MBTPS1: variants seen among roughly 807,000 people sequenced by gnomAD.
MBTPS1 encodes membrane bound transcription factor peptidase, site 1.
MBTPS1 carries 94 observed loss-of-function variants against 127.8 expected under a neutral mutation model. That is an observed-to-expected ratio of 0.74 (90% CI 0.62 to 0.87). The LOEUF (loss-of-function observed/expected upper bound fraction) is 0.87, where lower values mean the gene tolerates loss of function less well. Among genes scored for constraint, MBTPS1 ranks in the 40% least tolerant of loss-of-function variants. The pLI, the probability that MBTPS1 is intolerant of heterozygous loss-of-function variation, is 0.00. For synonymous variants in MBTPS1, 632 were observed against 509.4 expected (o/e 1.24, Z -3.24); for missense variants, 1,636 against 1,353.2 (o/e 1.21, Z -3.28).
Position 84,058,908 on chromosome 16 carries a change from C to G in MBTPS1, c.2831+394G>C, listed in dbSNP as rs534323240. Reference sequence around the variant, plus strand: ...CTTCTTGGACAGGCTGCAACCGCGGCCCCCGGGGATGACAGAAGAAGGGAA... The same window carrying G: ...CTTCTTGGACAGGCTGCAACCGCGGGCCCCGGGGATGACAGAAGAAGGGAA... On this transcript the variant is annotated intron_variant, in intron 21 of 22. Transcript: ENST00000343411. Among the ~76,000 whole-genome samples, 5 of 152,170 alleles carry G rather than the reference C, an allele frequency of 3.3e-5. No homozygotes were observed. In the South Asian group the frequency reaches 1.0e-3, roughly 32 times the overall value.
chr16:84,098,765 G>A (rs562892626), intron 3 of MBTPS1, among the ~76,000 whole-genome samples: 1 of 152,104 alleles, frequency 6.6e-6, no homozygotes, highest in Non-Finnish European at 1.5e-5. Context: ...GGCGAAAATC[G>A]CTTCCAACAG....
Position 84,070,721 on chromosome 16 carries a change from G to A in MBTPS1, c.1649C>T (p.Ser550Phe), listed in dbSNP as rs143702586. Residue 550 changes from serine (S) to phenylalanine (F), a missense_variant, in exon 13 of 23, where the codon TCC (serine) becomes TTC (phenylalanine). By Grantham distance (155) the Ser-to-Phe change is radical. Transcript: ENST00000343411. Reference sequence around the variant, plus strand: ...CCAAGGCCATAAGACCGAGGAGTAGGAGAAGGCAACTTCAATGTTGTCTCC... The same window carrying A: ...CCAAGGCCATAAGACCGAGGAGTAGAAGAAGGCAACTTCAATGTTGTCTCC... ...QNGDNIEVAF[S>F]YSSVLWPWSG... The A allele has an allele frequency of 6.2e-6, 10 of 1,614,008 alleles. No individual in the cohort carries two copies. The African/African-American group carries it at 1.3e-4, about 22-fold the overall frequency.
At chr16:84,080,768 T>G (rs1356696429) in intron 11 of MBTPS1, among the ~76,000 whole-genome samples, 1 of 152,212 alleles carries the variant, frequency 6.6e-6, no homozygotes, top group Non-Finnish European at 1.5e-5. Flanking sequence ...CTCCTAACTT[T>G]TCGGTGTCAG....
intron 3 of MBTPS1, among the ~76,000 whole-genome samples, chr16:84,096,774 T>C (rs11863841): frequency 6.6e-6 from 1 of 152,162 alleles, no homozygotes; most frequent in Non-Finnish European, 1.5e-5. Flanking sequence ...AAACGGTTCT[T>C]AATTGAAATT....
At chr16:84,064,945 T>G (rs2085659928) in intron 18 of MBTPS1, among the ~76,000 whole-genome samples, 1 of 152,160 alleles carries the variant, frequency 6.6e-6, no homozygotes, top group Non-Finnish European at 1.5e-5. Flanking sequence ...GTACAGAAAA[T>G]GGCAACTTTA....
At chr16:84,087,263 C>A (rs2086041996) in intron 9 of MBTPS1, 95 bp downstream of exon 9, 2 of 938,632 alleles carry the variant, frequency 2.1e-6, no homozygotes, top group Non-Finnish European at 3.4e-6. Flanking sequence ...TGTCTGTGCA[C>A]TTACAAATAC....
At chr16:84,063,661 TTGTG>T (rs2085644901) in intron 18 of MBTPS1, among the ~76,000 whole-genome samples, 2 of 152,244 alleles carry the variant, frequency 1.3e-5, no homozygotes, top group Non-Finnish European at 2.9e-5. Context: ...AAAATTCACT[TTGTG>T]TGTATTTCCG....
At chr16:84,067,182 G>A (rs1292105503) in intron 16 of MBTPS1, among the ~76,000 whole-genome samples, 1 of 152,122 alleles carries the variant, frequency 6.6e-6, no homozygotes, top group Admixed American at 6.5e-5. Flanking sequence ...GTAACAGAGA[G>A]TGGAAAAGAA....
At chr16:84,114,857 C>G (rs1341113016) in intron 1 of MBTPS1, among the ~76,000 whole-genome samples, 1 of 145,896 alleles carries the variant, frequency 6.9e-6, no homozygotes, top group East Asian at 2.0e-4. Flanking sequence ...AAAGCGTTTC[C>G]TCAAGCAGAA....
chr16:84,081,811 C>A lies in MBTPS1; in HGVS notation c.1384G>T (p.Gly462Cys). 6.5e-7 allele frequency: 1 copy of A among 1,532,060 alleles called. No individual in the cohort carries two copies. Among genetic ancestry groups the A allele is most frequent in the Non-Finnish European group, 8.8e-7 (1 of 1,138,664 alleles). 94.9% of individuals were successfully genotyped at this position (1,532,060 alleles called of 1,614,324 possible). Reference protein sequence around the residue: ...RLPGVNMFEQGHGKLDLLRAY... With the variant: ...RLPGVNMFEQCHGKLDLLRAY... ...CTGAGCAGATCGAGCTTGCCGTGGC[C>A]TTGCTCAAACATGTTGACCCCGGGG... The change falls in exon 11 of 23, where the codon GGC becomes TGC. Residue 462 changes from glycine to cysteine, a missense_variant. By Grantham distance (159) the Gly-to-Cys change is radical. Transcript: ENST00000343411.
At chr16:84,069,113 T>G (rs28371946) in intron 14 of MBTPS1, among the ~76,000 whole-genome samples, 1 of 152,078 alleles carries the variant, frequency 6.6e-6, no homozygotes, top group South Asian at 2.1e-4. Context: ...AGACATCTTA[T>G]TTTAAAAGGC....
At chr16:84,085,425 A>G (rs1011547559) in intron 9 of MBTPS1, among the ~76,000 whole-genome samples, 1 of 152,002 alleles carries the variant, frequency 6.6e-6, no homozygotes, top group African/African-American at 2.4e-5. Context: ...AAAATTAGCC[A>G]GATGTAGTGG....
Position 84,068,415 on chromosome 16 carries a change from G to A in MBTPS1, c.1995C>T (p.Tyr665=), listed in dbSNP as rs1273822522. ...AGTAGCCCATGCTTCTCAGATGCTG[G>A]TACATATCCCTGAAATTGGTGTGGA... ...DHIHTNFRDM[Y]QHLRSMGYFV... The change falls in exon 15 of 23, where the codon TAC becomes TAT. Residue 665 remains tyrosine, a synonymous_variant. Transcript: ENST00000343411. The A allele has an allele frequency of 6.2e-7, 1 of 1,614,162 alleles. No homozygotes were observed.
intron 14 of MBTPS1, 39 bp from the exon 15 acceptor site, chr16:84,068,493 T>C: frequency 7.1e-7 from 1 of 1,403,128 alleles, no homozygotes; most frequent in South Asian, 1.2e-5. Context: ...ATGATCGATC[T>C]TTACTGGCAA....
At chr16:84,089,270 A>G (rs2086071877) in intron 8 of MBTPS1, among the ~76,000 whole-genome samples, 1 of 152,242 alleles carries the variant, frequency 6.6e-6, no homozygotes, top group South Asian at 2.1e-4. Flanking sequence ...CCAGGCCCAC[A>G]CCTGTTTTTG....
Position 84,060,684 on chromosome 16 carries a change from T to C in MBTPS1, c.2702A>G (p.Glu901Gly), listed in dbSNP as rs1401290145. ...AGGCATCCTGCCCATCCACTCACCT[T>C]CCATCCTCTCTGGAGTGACTGAGCC... ...GAGSVTPERM[E>G]GNHLHRYSKV... The change falls in exon 20 of 23, where the codon GAA (glutamate) becomes GGA (glycine). Residue 901 changes from glutamate to glycine, a missense_variant and splice_region_variant. Coordinates refer to ENST00000343411, the MANE Select transcript of MBTPS1 (RefSeq NM_003791.4). The C allele has an allele frequency of 1.2e-6, 2 of 1,613,360 alleles. No homozygotes were observed. Among genetic ancestry groups the C allele is most frequent in the Admixed American group, 1.7e-5 (1 of 59,966 alleles).
rs1272794355 is a variant in MBTPS1 at position 84,074,634 on chromosome 16, A to C, written c.1556T>G (p.Leu519Arg). ...GMPTVVNVTI[L>R]NGMGVTGRIV... is the part of the protein sequence containing the mutation. ...TCTTCCTGTGACTCCCATGCCGTTG[A>C]GGATGGTGACATTAACAACTGTCGG... Residue 519 changes from leucine (L) to arginine (R), a missense_variant, in exon 12 of 23, where the codon CTC becomes CGC. Leu to Arg is a moderately radical substitution (Grantham distance 102, BLOSUM62 -2). Transcript: ENST00000343411. The C allele has an allele frequency of 3.1e-6, 5 of 1,614,048 alleles. No individual in the cohort carries two copies. The highest frequency in any genetic ancestry group is 4.2e-6 in the Non-Finnish European group (5 of 1,180,002).
chr16:84,097,598 G>A (rs1003421692), intron 3 of MBTPS1, among the ~76,000 whole-genome samples: 11 of 152,168 alleles, frequency 7.2e-5, no homozygotes, highest in African/African-American at 2.7e-4. Context: ...GTCTCCTAAA[G>A]CATTCTAGAG....
intron 11 of MBTPS1, among the ~76,000 whole-genome samples, chr16:84,078,737 C>T (rs1207613287): frequency 3.9e-5 from 6 of 152,144 alleles, no homozygotes; most frequent in Admixed American, 6.5e-5. Context: ...TACGCACTGA[C>T]GTGGAGAGAT....
Sources: gnomAD v4.1 joint callset for allele counts (sites outside exome capture counted in the v4.1 genomes callset) on GRCh38, gnomAD v4.1.1 for gene constraint, MANE v1.5 for transcripts, NCBI Gene and HGNC (gene_info 2026-07-23, HGNC 2026-07-21) for gene names.